SLC24A2: variants seen among roughly 807,000 people sequenced by gnomAD.
SLC24A2 encodes the protein solute carrier family 24 member 2, also known as sodium/potassium/calcium exchanger 2.
A neutral mutation model predicts 62.0 loss-of-function variants in SLC24A2; 36 were observed. The ratio of observed to expected loss-of-function variants is 0.58; its 90% CI spans 0.44 to 0.77. The LOEUF (loss-of-function observed/expected upper bound fraction) is 0.77. Among genes scored for constraint, SLC24A2 ranks in the 30% least tolerant of loss-of-function variants. The pLI, the probability that SLC24A2 is intolerant of heterozygous loss-of-function variation, is 0.00. For synonymous variants in SLC24A2, 358 were observed against 294.0 expected (o/e 1.22, Z -2.23); for missense variants, 846 against 817.9 (o/e 1.03, Z -0.42).
intron 7 of SLC24A2, among the ~76,000 whole-genome samples, chr9:19,555,822 G>A (rs1012449196): frequency 1.3e-5 from 2 of 152,098 alleles, no homozygotes; most frequent in African/African-American, 2.4e-5. Context: ...ACAGGTGCCT[G>A]TAATCCCAGC....
chr9:20,166,101 T>C, the SLC24A2 span, among the ~76,000 whole-genome samples: 13 of 151,880 alleles, frequency 8.6e-5, no homozygotes, highest in Non-Finnish European at 1.3e-4. Flanking sequence ...ACCCATCAGA[T>C]TGGCAAAAAT....
chr9:19,647,891 C>G (rs1466061072), intron 2 of SLC24A2, among the ~76,000 whole-genome samples: 1 of 152,194 alleles, frequency 6.6e-6, no homozygotes, highest in South Asian at 2.1e-4. Flanking sequence ...TGGACAATAT[C>G]TATTTTATAG....
the SLC24A2 span, among the ~76,000 whole-genome samples, chr9:19,892,403 G>T: frequency 1.3e-5 from 2 of 152,158 alleles, no homozygotes; most frequent in African/African-American, 2.4e-5. Flanking sequence ...ACCAGAAAAT[G>T]AGCTTCTAGA....
At chr9:19,934,616 A>G in the SLC24A2 span, among the ~76,000 whole-genome samples, 1 of 152,194 alleles carries the variant, frequency 6.6e-6, no homozygotes, top group African/African-American at 2.4e-5. This position sits in a 1 kb window ranked among gnomAD's most constrained non-coding sequence, Gnocchi z 4.1. Flanking sequence ...GGCAGCCAGC[A>G]CCTCCTGCCT....
the SLC24A2 span, among the ~76,000 whole-genome samples, chr9:19,937,629 A>T: frequency 6.6e-6 from 1 of 152,136 alleles, no homozygotes; most frequent in Admixed American, 6.5e-5. Context: ...CCCGGATTAC[A>T]GCTAATCAAT....
intron 2 of SLC24A2, among the ~76,000 whole-genome samples, chr9:19,681,675 AG>A (rs1302540415): frequency 4.6e-5 from 7 of 152,096 alleles, no homozygotes; most frequent in Admixed American, 4.6e-4. Context: ...AAGGTTTTGG[AG>A]GAAAAACATT....
the SLC24A2 span, among the ~76,000 whole-genome samples, chr9:20,192,436 G>A: frequency 3.3e-5 from 5 of 152,092 alleles, no homozygotes; most frequent in East Asian, 9.6e-4. Flanking sequence ...GATGGGGAGA[G>A]AGGTGACTAC....
chr9:20,304,373 A>T, the SLC24A2 span, among the ~76,000 whole-genome samples: 2 of 152,206 alleles, frequency 1.3e-5, no homozygotes, highest in Non-Finnish European at 2.9e-5. Flanking sequence ...TTTGAAGGGT[A>T]AAGAAGATAT....
chr9:20,055,685 C>A, the SLC24A2 span, among the ~76,000 whole-genome samples: 2 of 152,078 alleles, frequency 1.3e-5, no homozygotes, highest in African/African-American at 4.8e-5. Context: ...CTCAGGAGTT[C>A]AAGACCACCC....
chr9:19,834,858 C>A, the SLC24A2 span, among the ~76,000 whole-genome samples: 1 of 152,180 alleles, frequency 6.6e-6, no homozygotes, highest in Non-Finnish European at 1.5e-5. Flanking sequence ...GGAAGCCCAT[C>A]AGACTAACAG....
chr9:19,547,386 T>C (rs996798825), intron 8 of SLC24A2, among the ~76,000 whole-genome samples: 5 of 152,200 alleles, frequency 3.3e-5, no homozygotes, highest in African/African-American at 4.8e-5. Context: ...TCTGTTTTCT[T>C]GCTCTGTGCC....
the SLC24A2 span, among the ~76,000 whole-genome samples, chr9:20,101,307 C>G: frequency 6.6e-6 from 1 of 152,210 alleles, no homozygotes; most frequent in African/African-American, 2.4e-5. Flanking sequence ...GAGAATTGGA[C>G]TTACTATTCA....
In SLC24A2 at chr9:19,599,200, T is replaced by G. The variant is rs1836781919; in HGVS notation, c.1079-1921A>C. 6.6e-6 allele frequency among the ~76,000 whole-genome samples: 1 copy of G among 152,234 alleles called. No homozygotes were observed. The highest frequency in any genetic ancestry group is 2.4e-5 in the African/African-American group (1 of 41,454). ...GTATAAATAAATACATTCATATTGTTTAATTATCATTTTATTTGTACATAG... is the reference window on the plus strand; with the variant it reads ...GTATAAATAAATACATTCATATTGTGTAATTATCATTTTATTTGTACATAG... On this transcript the variant is annotated intron_variant, in intron 4 of 10. Coordinates refer to ENST00000341998, the MANE Select transcript of SLC24A2 (RefSeq NM_020344.4). This position sits in a 1 kb window ranked among gnomAD's most constrained non-coding sequence, Gnocchi z 4.5.
the SLC24A2 span, among the ~76,000 whole-genome samples, chr9:20,287,429 C>T: frequency 6.6e-6 from 1 of 152,120 alleles, no homozygotes. Flanking sequence ...ATATGCTGAG[C>T]CTATCAACTC....
intron 2 of SLC24A2, among the ~76,000 whole-genome samples, chr9:19,661,627 T>C (rs1056909604): frequency 2.0e-5 from 3 of 152,198 alleles, no homozygotes; most frequent in African/African-American, 4.8e-5. Context: ...CAAGAAGTCA[T>C]TGGGTTAAGG....
the SLC24A2 span, among the ~76,000 whole-genome samples, chr9:20,162,669 C>A: frequency 2.0e-5 from 3 of 151,930 alleles, no homozygotes; most frequent in Non-Finnish European, 4.4e-5. Flanking sequence ...TGGGCAGAGA[C>A]ACAACCAAAA....
At chr9:19,873,362 CTCTTTCTT>C in the SLC24A2 span, among the ~76,000 whole-genome samples, 1 of 147,212 alleles carries the variant, frequency 6.8e-6, no homozygotes, top group South Asian at 2.2e-4. Flanking sequence ...TTCCTTCCTT[CTCTTTCTT>C]TCTTTCTTTC....
At chr9:20,013,941 G>A in the SLC24A2 span, among the ~76,000 whole-genome samples, 1 of 152,204 alleles carries the variant, frequency 6.6e-6, no homozygotes, top group Non-Finnish European at 1.5e-5. Context: ...GGGCACAGTG[G>A]TTCATGCCTG....
At chr9:19,838,962 A>C in the SLC24A2 span, among the ~76,000 whole-genome samples, 5 of 152,182 alleles carry the variant, frequency 3.3e-5, no homozygotes, top group African/African-American at 1.2e-4. Flanking sequence ...CAACCTACAG[A>C]ATGGGAGAAA....
Sources: gnomAD v4.1 joint callset for allele counts (sites outside exome capture counted in the v4.1 genomes callset) on GRCh38, gnomAD v4.1.1 for gene constraint, Gnocchi (gnomAD v3.1) non-coding constraint, MANE v1.5 for transcripts, NCBI Gene and HGNC (gene_info 2026-07-23, HGNC 2026-07-21) for gene names.